Variants in LUZP2 observed in about 807,000 individuals in gnomAD.
LUZP2 encodes leucine zipper protein 2.
Under a neutral mutation model 51.6 loss-of-function variants are expected in LUZP2, and 52 were observed. The ratio of observed to expected loss-of-function variants is 1.01; its 90% confidence interval spans 0.81 to 1.27. LUZP2 has a LOEUF of 1.27. Ranked by LOEUF, LUZP2 falls within the 50% of genes most tolerant of loss-of-function variation. The pLI is 0.00. For synonymous variants in LUZP2, 154 were observed against 137.3 expected (o/e 1.12, Z -0.85); for missense variants, 436 against 395.4 (o/e 1.10, Z -0.87).
In LUZP2 at chr11:24,993,676, T is replaced by A. The variant is rs545082385; in HGVS notation, c.765+10383T>A. On this transcript the variant is annotated intron_variant, in intron 9 of 11. Transcript: ENST00000336930. ...CCTAATTTTATGATAGCCACACCAG[T>A]TTTTACATCAATAATACTACATCCT... 1.2e-4 allele frequency among the ~76,000 whole-genome samples: 18 copies of A among 152,252 alleles called. No individual in the cohort carries two copies. In the East Asian group the frequency reaches 3.5e-3, roughly 29 times the overall value.
At chr11:24,691,749 T>C (rs1005726489) in intron 1 of LUZP2, among the ~76,000 whole-genome samples, 1 of 152,032 alleles carries the variant, frequency 6.6e-6, no homozygotes, top group Non-Finnish European at 1.5e-5. Context: ...TGTATAACTT[T>C]GGAAAAATAT....
At chr11:24,859,826 A>G (rs191912602) in intron 5 of LUZP2, among the ~76,000 whole-genome samples, 1 of 152,330 alleles carries the variant, frequency 6.6e-6, no homozygotes, top group Non-Finnish European at 1.5e-5. Flanking sequence ...TTTCCACTGA[A>G]CTGTGCAACC....
At chr11:25,050,670 A>G (rs1439236410) in intron 10 of LUZP2, among the ~76,000 whole-genome samples, 1 of 152,162 alleles carries the variant, frequency 6.6e-6, no homozygotes, top group African/African-American at 2.4e-5. Context: ...TTCTTAGGAC[A>G]ACTGTGAATA....
chr11:25,001,956 G>A (rs1565212903), intron 9 of LUZP2, among the ~76,000 whole-genome samples: 1 of 152,088 alleles, frequency 6.6e-6, no homozygotes. Flanking sequence ...CTTTGGCAGT[G>A]TAAGACTGCC....
chr11:24,617,649 C>T (rs147466026), intron 1 of LUZP2, among the ~76,000 whole-genome samples: 199 of 152,116 alleles, frequency 1.3e-3, no homozygotes, highest in African/African-American at 4.3e-3. Flanking sequence ...AGTGAAACCT[C>T]ATCTCTATTA....
At chr11:25,031,742 G>A (rs1411768153) in intron 9 of LUZP2, among the ~76,000 whole-genome samples, 9 of 151,446 alleles carry the variant, frequency 5.9e-5, no homozygotes, top group Admixed American at 5.9e-4. Context: ...TCCTACAAAG[G>A]GTTACCTTAG....
chr11:24,762,335 C>T (rs923852278), intron 4 of LUZP2, among the ~76,000 whole-genome samples: 2 of 152,040 alleles, frequency 1.3e-5, no homozygotes, highest in African/African-American at 4.8e-5. Flanking sequence ...CTGAGATGTA[C>T]TGTAAGTGTA....
At chr11:24,607,486 T>C (rs560956138) in intron 1 of LUZP2, among the ~76,000 whole-genome samples, 2 of 151,610 alleles carry the variant, frequency 1.3e-5, no homozygotes, top group African/African-American at 4.8e-5. Context: ...TACTCTGGAC[T>C]TTTTTTTATA....
At chr11:24,890,971 A>T (rs1249104711) in intron 5 of LUZP2, 1 of 971,590 alleles carries the variant, frequency 1.0e-6, no homozygotes, top group African/African-American at 1.8e-5. Context: ...ACTGCAGTGA[A>T]ATGGCAAGCA....
chr11:25,076,772 C>G, intron 10 of LUZP2, among the ~76,000 whole-genome samples: 1 of 133,332 alleles, frequency 7.5e-6, no homozygotes, highest in East Asian at 2.2e-4. Flanking sequence ...TTTTCCATTG[C>G]TAACACTTCA....
intron 1 of LUZP2, among the ~76,000 whole-genome samples, chr11:24,585,376 C>T (rs1249138248): frequency 6.6e-6 from 1 of 152,184 alleles, no homozygotes; most frequent in Admixed American, 6.6e-5. Flanking sequence ...CTGAGACTTG[C>T]TTGTAAATCA....
chr11:24,526,818 T>C (rs901938109), intron 1 of LUZP2, among the ~76,000 whole-genome samples: 1 of 151,290 alleles, frequency 6.6e-6, no homozygotes, highest in South Asian at 2.1e-4. Context: ...CACAATGGAG[T>C]TGGACTAGTC....
intron 5 of LUZP2, among the ~76,000 whole-genome samples, chr11:24,886,839 T>G (rs932298184): frequency 6.6e-6 from 1 of 152,222 alleles, no homozygotes; most frequent in Non-Finnish European, 1.5e-5. Flanking sequence ...TTTGTGTTCA[T>G]CTCTCAAAGT....
chr11:24,982,289 C>G (rs7948336), intron 8 of LUZP2, among the ~76,000 whole-genome samples: 55,847 of 151,622 alleles, frequency 0.37, 12,573 homozygotes, highest in East Asian at 0.68. Flanking sequence ...CATTTTTCTT[C>G]CATAAAGACA....
intron 1 of LUZP2, among the ~76,000 whole-genome samples, chr11:24,659,007 G>T (rs1010348428): frequency 2.0e-5 from 3 of 151,360 alleles, no homozygotes; most frequent in African/African-American, 7.2e-5. Flanking sequence ...GTGGAAGTCA[G>T]TGTGGTGATT....
At chr11:25,058,683 G>T (rs1470289019) in intron 10 of LUZP2, among the ~76,000 whole-genome samples, 1 of 152,168 alleles carries the variant, frequency 6.6e-6, no homozygotes, top group Admixed American at 6.5e-5. Flanking sequence ...TTCAGAGAGG[G>T]AAGGTGACTT....
At chr11:24,858,710 T>C (rs1439352027) in intron 5 of LUZP2, among the ~76,000 whole-genome samples, 5 of 152,190 alleles carry the variant, frequency 3.3e-5, no homozygotes, top group Admixed American at 6.5e-5. Flanking sequence ...AGAACGTTTA[T>C]ATGCAAAGCA....
At chr11:24,648,449 G>T (rs1483584107) in intron 1 of LUZP2, among the ~76,000 whole-genome samples, 1 of 151,896 alleles carries the variant, frequency 6.6e-6, no homozygotes, top group Non-Finnish European at 1.5e-5. Flanking sequence ...TCTAGCCAAT[G>T]GCCTCTTTTC....
chr11:25,016,445 AC>A (rs1857159427), intron 9 of LUZP2, among the ~76,000 whole-genome samples: 1 of 151,690 alleles, frequency 6.6e-6, no homozygotes, highest in Non-Finnish European at 1.5e-5. Flanking sequence ...TAGAGTAATG[AC>A]CTCCAGTTTC....
Sources: allele counts gnomAD v4.1 joint callset (sites outside exome capture counted in the v4.1 genomes callset), GRCh38; gene constraint gnomAD v4.1.1; transcripts MANE v1.5; gene names NCBI Gene and HGNC (gene_info 2026-07-23, HGNC 2026-07-21).